Variants in HDAC6 observed in about 807,000 individuals in gnomAD.
HDAC6 encodes the protein protein deacetylase HDAC6.
In HDAC6, 5 loss-of-function variants were observed where a neutral mutation model predicts 88.9. That is an observed-to-expected ratio of 0.06 (90% CI 0.03 to 0.12). The LOEUF is 0.12. HDAC6 is among the 10% of genes least tolerant of loss of function. HDAC6 has a pLI of 1.00. For missense variants in HDAC6, 706 were observed against 1,014.4 expected (o/e 0.70, Z 4.13); for synonymous variants, 378 against 398.0 (o/e 0.95, Z 0.60).
upstream of HDAC6, chrX:48,801,746 C>T: frequency 1.5e-6 from 1 of 672,599 alleles, no homozygotes; most frequent in Non-Finnish European, 2.0e-6. Context: ...TGTGAGCTCG[C>T]GAGAGGTGTG....
chrX:48,821,880 C>T (rs1413957194), intron 23 of HDAC6, among the ~76,000 whole-genome samples: 2 of 111,831 alleles, frequency 1.8e-5, no homozygotes, highest in Non-Finnish European at 1.9e-5. Context: ...TGCAAAAAGT[C>T]GCACTTACTA....
chrX:48,802,369 C>G lies in HDAC6; in HGVS notation c.-31+227C>G. 4.5e-6 allele frequency: 4 copies of G among 885,038 alleles called. No homozygotes were observed. The South Asian group carries it at 1.1e-4, about 25-fold the overall frequency. The allele number at this position is 885,038 out of a possible 1,213,427, so 72.9% of individuals were successfully genotyped here. On this transcript the variant is annotated intron_variant, in intron 1 of 28. Transcript: ENST00000334136. ...GGTGATTGGTTGGAAAGGGCAGGCC[C>G]TAAGACGGACTGTGTGAGCCCGGGG...
chrX:48,802,376 G>A, intron 1 of HDAC6: 1 of 893,461 alleles, frequency 1.1e-6, no homozygotes, highest in Non-Finnish European at 1.4e-6. Flanking sequence ...GCCCTAAGAC[G>A]GACTGTGTGA....
chrX:48,806,814 T>C lies in HDAC6; in HGVS notation c.632+108T>C, dbSNP rs145577593. 50 of 458,276 alleles carry C rather than the reference T, an allele frequency of 1.1e-4. No homozygotes were observed. In the African/African-American group the frequency reaches 1.1e-3, roughly 10 times the overall value. 37.8% of individuals were successfully genotyped at this position (458,276 alleles called of 1,213,427 possible). A position where few individuals can be genotyped will look rare whatever the true frequency, so the allele number is the denominator to read the frequency against. ...TTCATGTGATTCAAGAATCCAAAGG[T>C]AAAAAAGAGAATATAATTAAAAATC... On this transcript the variant is annotated intron_variant, in intron 8 of 28. Coordinates refer to ENST00000334136, the MANE Select transcript of HDAC6 (RefSeq NM_006044.4).
At chrX:48,805,192 G>A (rs1353701805) in intron 4 of HDAC6, among the ~76,000 whole-genome samples, 4 of 111,655 alleles carry the variant, frequency 3.6e-5, no homozygotes, top group Admixed American at 9.5e-5. Context: ...AGAAAGGACC[G>A]TTGAGGTGGC....
At chrX:48,819,546 CT>C (rs782353677) in intron 22 of HDAC6, 3,917 of 121,600 alleles carry the variant, frequency 0.032, 89 homozygotes, top group East Asian at 0.19. Flanking sequence ...CCATCTGTCC[CT>C]TTTTTTTTTT....
In HDAC6 at chrX:48,824,553, G is replaced by A; in HGVS notation, c.3589G>A (p.Asp1197Asn). The part of the protein sequence containing the change: ...QAYVHHQALL[D>N]VKNIAHQNKF... The stretch of plus-strand genomic sequence containing the variant: ...CTTGCCTCCTCCTCAGGCTCTCCTA[G>A]ATGTGAAGAACATCGCCCACCAGAA... The change falls in exon 29 of 29, where the codon GAT becomes AAT. Residue 1197 changes from aspartate to asparagine, a missense_variant. By Grantham distance (23) the Asp-to-Asn change is conservative. Coordinates refer to ENST00000334136, the MANE Select transcript of HDAC6 (RefSeq NM_006044.4). 1 of 1,209,839 alleles carries A rather than the reference G, an allele frequency of 8.3e-7. No individual in the cohort carries two copies. The highest frequency in any genetic ancestry group is 1.1e-6 in the Non-Finnish European group (1 of 894,363).
chrX:48,823,246 C>T lies in HDAC6; in HGVS notation c.2847C>T (p.Asp949=). ...SEEAVGGATP[D]QTTSEETVGG... ...AGGCTGTCGGGGGAGCCACTCCGGA[C>T]CAGACCACCTCAGAGGAGACTGTGG... Residue 949 remains aspartate (D), a synonymous_variant, in exon 25 of 29, where the codon GAC becomes GAT. Transcript: ENST00000334136. The T allele has an allele frequency of 5.0e-6, 6 of 1,202,844 alleles. No homozygotes were observed. The highest frequency in any genetic ancestry group is 6.7e-6 in the Non-Finnish European group (6 of 890,975).
chrX:48,821,571 C>T (rs782655746), intron 23 of HDAC6, among the ~76,000 whole-genome samples: 2 of 101,217 alleles, frequency 2.0e-5, no homozygotes, highest in African/African-American at 7.3e-5. Flanking sequence ...GGCGCTATCT[C>T]GGCTCACTGC....
At chrX:48,819,473 G>A (rs2063044622) in intron 22 of HDAC6, 1 of 135,261 alleles carries the variant, frequency 7.4e-6, no homozygotes, top group Non-Finnish European at 1.5e-5. Flanking sequence ...TGTGTGTGAG[G>A]ACATGTCTCT....
Position 48,823,293 on chromosome X carries a change from C to T in HDAC6, c.2894C>T (p.Thr965Ile), listed in dbSNP as rs1266492898. The change falls in exon 25 of 29, where the codon ACC (threonine) becomes ATC (isoleucine). Residue 965 changes from threonine to isoleucine, a missense_variant. By Grantham distance (89) the Thr-to-Ile change is moderately conservative. Around this residue, in one of 9 missense-constraint regions of HDAC6, gnomAD observed 89 missense variants for 90.9 expected, o/e 0.98. Transcript: ENST00000334136. Reference protein sequence around the residue: ...ETVGGAILDQTTSEDAVGGAT... With the variant: ...ETVGGAILDQITSEDAVGGAT... ...GTGGGAGGAGCCATTCTGGACCAGA[C>T]CACCTCAGAGGATGCTGTTGGGGGA... 8.3e-7 allele frequency: 1 copy of T among 1,203,078 alleles called. No individual in the cohort carries two copies. The highest frequency in any genetic ancestry group is 1.1e-6 in the Non-Finnish European group (1 of 890,933).
rs144699758 is a variant in HDAC6, at chrX:48,824,244, A to G, written c.3529A>G (p.Ile1177Val). 35 of 1,209,364 alleles carry G rather than the reference A, an allele frequency of 2.9e-5. No individual in the cohort carries two copies. In the East Asian group the frequency reaches 3.3e-4, roughly 11 times the overall value. ...NSGHPLVLSY[I>V]DLSAWCYYCQ... ...TGGACACCCGCTGGTCCTCAGCTAC[A>G]TCGACCTGTCAGCCTGGTGTTACTA... The change falls in exon 28 of 29, where the codon ATC becomes GTC. Residue 1177 changes from isoleucine to valine, a missense_variant. Physicochemically the swap from Ile to Val is conservative, Grantham distance 29. Coordinates refer to ENST00000334136, the MANE Select transcript of HDAC6 (RefSeq NM_006044.4).
chrX:48,803,718 C>A (rs1415920824), intron 4 of HDAC6, among the ~76,000 whole-genome samples: 3 of 112,197 alleles, frequency 2.7e-5, no homozygotes, highest in African/African-American at 9.7e-5. Flanking sequence ...CACCATCTGA[C>A]CTCTCCTCAC....
In HDAC6 at chrX:48,803,042, A is replaced by G. The variant is rs374215726; in HGVS notation, c.222+43A>G. 53 of 1,203,565 alleles carry G rather than the reference A, an allele frequency of 4.4e-5. No homozygotes were observed. In the African/African-American group the frequency reaches 8.8e-4, roughly 20 times the overall value. ...GCAGTTTAGCCTCGTATGACAATCA[A>G]AACCCAAAGGTTCCCCACCCTGGAC... On this transcript the variant is annotated intron_variant, in intron 3 of 28. Coordinates refer to ENST00000334136, the MANE Select transcript of HDAC6 (RefSeq NM_006044.4).
Position 48,802,906 on chromosome X carries a change from T to A in HDAC6, c.129T>A (p.Ser43=). The change falls in exon 3 of 29, where the codon TCT becomes TCA. Residue 43 remains serine (S), a synonymous_variant. Transcript: ENST00000334136. ...RNIKKGAVPR[S]IPNLAEVKKK... ...TTAAAAAGGGAGCCGTTCCCCGCTC[T>A]ATCCCCAATCTAGCGGAGGTAAAGA... 1 of 1,209,047 alleles carries A rather than the reference T, an allele frequency of 8.3e-7. No individual in the cohort carries two copies. The highest frequency in any genetic ancestry group is 1.1e-6 in the Non-Finnish European group (1 of 893,893).
chrX:48,816,964 A>AG (rs2062996268), intron 19 of HDAC6: 1 of 270,627 alleles, frequency 3.7e-6, no homozygotes, highest in African/African-American at 2.8e-5. Flanking sequence ...AAAAAAAAAA[A>AG]AAGGTCCGGG....
chrX:48,822,118 C>T (rs1465822274), intron 23 of HDAC6, among the ~76,000 whole-genome samples: 22 of 111,534 alleles, frequency 2.0e-4, no homozygotes, highest in Non-Finnish European at 3.8e-5. Flanking sequence ...GAGAAAGAGT[C>T]CAGTTGTTCC....
chrX:48,815,301 C>A, intron 14 of HDAC6, 83 bp from the exon 15 acceptor site: 1 of 709,023 alleles, frequency 1.4e-6, no homozygotes, highest in Non-Finnish European at 2.2e-6. Flanking sequence ...ATGTGGTATG[C>A]ACTCTCTTAT....
rs2062734573 is a variant in HDAC6, at chrX:48,802,084, A to G, written c.-89A>G. 5 of 897,743 alleles carry G rather than the reference A, an allele frequency of 5.6e-6. No individual in the cohort carries two copies. Among genetic ancestry groups the G allele is most frequent in the Non-Finnish European group, 6.9e-6 (5 of 720,605 alleles). The allele number at this position is 897,743 out of a possible 1,213,427, so 74.0% of individuals were successfully genotyped here. ...GTGGAGCTGGTTGAAGGAACGGGGC[A>G]GTCCCCTGAGGAGCGGGGCTGGTTG... On this transcript the variant is annotated 5_prime_UTR_variant, in exon 1 of 29. Transcript: ENST00000334136.
Sources: allele counts gnomAD v4.1 joint callset (sites outside exome capture counted in the v4.1 genomes callset), GRCh38; gene constraint gnomAD v4.1.1; regional missense constraint gnomAD v4.1.1; transcripts MANE v1.5; gene names NCBI Gene and HGNC (gene_info 2026-07-23, HGNC 2026-07-21).